The following CFAP300 variants were observed in gnomAD, a reference collection of about 807,000 sequenced individuals.
CFAP300 encodes cilia- and flagella-associated protein 300.
Under a neutral mutation model 33.0 loss-of-function variants are expected in CFAP300, and 32 were observed. The ratio of observed to expected loss-of-function variants is 0.97; its 90% CI spans 0.73 to 1.30. CFAP300 has a LOEUF of 1.30. CFAP300 is among the 50% of genes most tolerant of loss of function. The pLI is 0.00. For missense variants in CFAP300, 356 were observed against 318.1 expected, an observed-to-expected ratio of 1.12 and a Z score of -0.90; for synonymous variants, 102 against 106.8, an observed-to-expected ratio of 0.95 and a Z score of 0.28.
chr11:102,075,556 T>C (rs981882701), intron 4 of CFAP300, among the ~76,000 whole-genome samples: 2 of 152,198 alleles, frequency 1.3e-5, no homozygotes, highest in African/African-American at 4.8e-5. Context: ...CTCCTATTTA[T>C]TTCCAAATAA....
At chr11:102,062,216 G>A (rs1942158564) in intron 3 of CFAP300, among the ~76,000 whole-genome samples, 1 of 152,144 alleles carries the variant, frequency 6.6e-6, no homozygotes, top group Admixed American at 6.6e-5. Context: ...CCTTGACCTT[G>A]GACTTTCTAG....
chr11:102,071,467 T>C (rs932308400), intron 4 of CFAP300, among the ~76,000 whole-genome samples: 9 of 152,216 alleles, frequency 5.9e-5, no homozygotes, highest in Non-Finnish European at 1.2e-4. Flanking sequence ...GAGGACATAC[T>C]TCTGTCATTT....
chr11:102,057,381 A>G (rs1210394283), intron 2 of CFAP300, among the ~76,000 whole-genome samples: 2 of 151,544 alleles, frequency 1.3e-5, no homozygotes, highest in Non-Finnish European at 2.9e-5. Flanking sequence ...CGTTCCATGC[A>G]CCAGCAGCTG....
At chr11:102,049,498 G>A (rs945767996) in intron 2 of CFAP300, among the ~76,000 whole-genome samples, 2 of 152,148 alleles carry the variant, frequency 1.3e-5, no homozygotes, top group Non-Finnish European at 2.9e-5. Flanking sequence ...CCATAACAGA[G>A]AGTAAATTGG....
intron 3 of CFAP300, among the ~76,000 whole-genome samples, chr11:102,062,404 G>A (rs1942160860): frequency 6.6e-6 from 1 of 152,174 alleles, no homozygotes; most frequent in African/African-American, 2.4e-5. Flanking sequence ...GGAAGCTTGA[G>A]GTGCATGTAT....
At chr11:102,067,844 C>T (rs995501322) in intron 4 of CFAP300, among the ~76,000 whole-genome samples, 1 of 152,096 alleles carries the variant, frequency 6.6e-6, no homozygotes, top group African/African-American at 2.4e-5. Flanking sequence ...GAGTTTGAGG[C>T]TGCTGTGAGC....
At chr11:102,062,051 A>G (rs1453612951) in intron 3 of CFAP300, among the ~76,000 whole-genome samples, 1 of 152,126 alleles carries the variant, frequency 6.6e-6, no homozygotes, top group Non-Finnish European at 1.5e-5. Context: ...AAAATAAATT[A>G]GGTTTAGATG....
intron 6 of CFAP300, 80 bp from the exon 7 acceptor site, chr11:102,082,991 T>A (rs1942497093): frequency 2.5e-6 from 2 of 791,730 alleles, no homozygotes; most frequent in Non-Finnish European, 3.2e-6. Context: ...AGCAAGACTC[T>A]GTCTCAAAAA....
At chr11:102,053,686 C>G (rs910195436) in intron 2 of CFAP300, among the ~76,000 whole-genome samples, 15 of 152,204 alleles carry the variant, frequency 9.9e-5, no homozygotes, top group African/African-American at 3.4e-4. Flanking sequence ...CTGAGACCAG[C>G]TTGGCAACAA....
At chr11:102,048,036 G>T in intron 2 of CFAP300, 140 bp downstream of exon 2, 1 of 746,862 alleles carries the variant, frequency 1.3e-6, no homozygotes, top group Non-Finnish European at 2.1e-6. Flanking sequence ...AGGTGCAAAT[G>T]ATTTTTTTAA....
intron 2 of CFAP300, among the ~76,000 whole-genome samples, chr11:102,056,291 A>G (rs1942055590): frequency 6.6e-6 from 1 of 152,186 alleles, no homozygotes; most frequent in Non-Finnish European, 1.5e-5. Flanking sequence ...AACTCCTTAT[A>G]CCTAAATCTT....
chr11:102,048,774 G>T (rs1379375907), intron 2 of CFAP300, among the ~76,000 whole-genome samples: 1 of 151,504 alleles, frequency 6.6e-6, no homozygotes, highest in Non-Finnish European at 1.5e-5. Context: ...GTTTTGGTGT[G>T]TTTGTTAAAA....
chr11:102,058,984 C>T, intron 3 of CFAP300, 29 bp downstream of exon 3: 2 of 1,311,070 alleles, frequency 1.5e-6, no homozygotes, highest in African/African-American at 1.5e-5. Context: ...TTTTCAGATA[C>T]TATTTTACTA....
chr11:102,083,275 AT>A lies in CFAP300; in HGVS notation c.*77del. The A allele has an allele frequency of 8.6e-7, 1 of 1,160,902 alleles. No homozygotes were observed. The allele number at this position is 1,160,902 out of a possible 1,614,324, so 71.9% of individuals were successfully genotyped here. On this transcript the variant is annotated 3_prime_UTR_variant, in exon 7 of 7. Coordinates refer to ENST00000434758, the MANE Select transcript of CFAP300 (RefSeq NM_032930.3). ...TCTTAATACTAACTTATAGATAAACATATACTTTGCAAATTAATTCAAGAAA... is the reference window on the plus strand; with the variant it reads ...TCTTAATACTAACTTATAGATAAACAATACTTTGCAAATTAATTCAAGAAA...
chr11:102,077,130 A>G (rs371307851), intron 5 of CFAP300, among the ~76,000 whole-genome samples: 2 of 152,174 alleles, frequency 1.3e-5, no homozygotes, highest in South Asian at 2.1e-4. Flanking sequence ...ACATACTACT[A>G]CCACTACTAC....
Position 102,083,499 on chromosome 11 carries a change from C to G in CFAP300, c.*300C>G, listed in dbSNP as rs1942505632. The G allele has an allele frequency of 5.6e-6, 1 of 179,912 alleles. No individual in the cohort carries two copies. Among genetic ancestry groups the G allele is most frequent in the South Asian group, 2.0e-4 (1 of 5,110 alleles). The allele number at this position is 179,912 out of a possible 1,614,324, so 11.1% of individuals were successfully genotyped here. On this transcript the variant is annotated 3_prime_UTR_variant, in exon 7 of 7. Transcript: ENST00000434758. ...TTGCATTGTGATTCAAGTGAATCCT[C>G]AATTTTCCATGTATTTTAATTTATA... is the stretch of plus-strand genomic sequence containing the variant.
At chr11:102,072,824 C>T (rs904460631) in intron 4 of CFAP300, among the ~76,000 whole-genome samples, 6 of 151,918 alleles carry the variant, frequency 3.9e-5, no homozygotes, top group Admixed American at 1.3e-4. Flanking sequence ...TTACGGTGTT[C>T]GTTGGGTAGA....
chr11:102,077,797 A>T (rs1942418275), intron 5 of CFAP300, among the ~76,000 whole-genome samples: 1 of 152,184 alleles, frequency 6.6e-6, no homozygotes, highest in Admixed American at 6.5e-5. Context: ...CTGGTCTCAA[A>T]CACCTGACCT....
At chr11:102,063,862 T>C (rs1237180448) in intron 3 of CFAP300, among the ~76,000 whole-genome samples, 2 of 152,274 alleles carry the variant, frequency 1.3e-5, no homozygotes, top group African/African-American at 4.8e-5. Flanking sequence ...TGGAATGGAA[T>C]GAGTGTATTT....
Sources: allele counts gnomAD v4.1 joint callset (sites outside exome capture counted in the v4.1 genomes callset), GRCh38; gene constraint gnomAD v4.1.1; transcripts MANE v1.5; gene names NCBI Gene and HGNC (gene_info 2026-07-23, HGNC 2026-07-21).